The following SLC39A14 variants were observed in gnomAD, a reference collection of about 807,000 sequenced individuals.
SLC39A14 encodes the protein solute carrier family 39 member 14.
In SLC39A14, 19 loss-of-function variants were observed where a neutral mutation model predicts 45.5. The observed-to-expected ratio is 0.42, with a 90% CI of 0.29 to 0.61. The LOEUF is 0.61. SLC39A14 is among the 20% of genes least tolerant of loss of function. The probability of loss-of-function intolerance (pLI) is 0.22; values close to 1 mark genes in which losing one functional copy is unlikely to be tolerated. For missense variants in SLC39A14, 447 were observed against 616.5 expected (o/e 0.73, Z 2.91); for synonymous variants, 264 against 251.3 (o/e 1.05, Z -0.48).
At chr8:22,369,864 G>C (rs1832836100) in intron 1 of SLC39A14, among the ~76,000 whole-genome samples, 1 of 152,114 alleles carries the variant, frequency 6.6e-6, no homozygotes, top group Non-Finnish European at 1.5e-5. Flanking sequence ...GCTGATAGTT[G>C]GGTTGGGTTG....
chr8:22,373,254 T>C (rs1404265730), intron 1 of SLC39A14, among the ~76,000 whole-genome samples: 1 of 115,416 alleles, frequency 8.7e-6, no homozygotes, highest in East Asian at 3.0e-4. Flanking sequence ...AGAGCGAGAC[T>C]CCATCTCAAA....
chr8:22,384,298 C>T (rs553475946), intron 1 of SLC39A14, among the ~76,000 whole-genome samples: 2 of 152,248 alleles, frequency 1.3e-5, no homozygotes, highest in East Asian at 1.9e-4. Flanking sequence ...TCTTCCTCTG[C>T]CACAGGGAAG....
chr8:22,379,564 T>G (rs147066332), intron 1 of SLC39A14: 1 of 152,210 alleles, frequency 6.6e-6, no homozygotes, highest in African/African-American at 2.4e-5. Context: ...ATCCAGACAC[T>G]TTGCAGTACA....
In SLC39A14 at chr8:22,420,831, G is replaced by C; in HGVS notation, c.*1133G>C. The C allele has an allele frequency of 1.0e-6, 1 of 985,472 alleles. No individual in the cohort carries two copies. Among genetic ancestry groups the C allele is most frequent in the South Asian group, 4.7e-5 (1 of 21,292 alleles). The allele number at this position is 985,472 out of a possible 1,614,324, so 61.0% of individuals were successfully genotyped here. On this transcript the variant is annotated 3_prime_UTR_variant, in exon 9 of 9. Coordinates refer to ENST00000381237, the MANE Select transcript of SLC39A14 (RefSeq NM_001128431.4). Reference sequence around the variant, plus strand: ...ACTTAGGGCATCGCAGATGTTTGCAGAATGGTTGGCCTAATGATTATGCTA... The same window carrying C: ...ACTTAGGGCATCGCAGATGTTTGCACAATGGTTGGCCTAATGATTATGCTA...
exon 9 of SLC39A14, chr8:22,433,899 T>G (rs1299551342): frequency 2.6e-6 from 1 of 383,076 alleles, no homozygotes; most frequent in Non-Finnish European, 5.2e-6. Context: ...AGATGGAGTT[T>G]TGCTCTGTTG....
chr8:22,394,434 C>G (rs1341712437), intron 1 of SLC39A14, among the ~76,000 whole-genome samples: 1 of 151,820 alleles, frequency 6.6e-6, no homozygotes, highest in Non-Finnish European at 1.5e-5. Context: ...ATTCTCCTGC[C>G]TCAACCTCCC....
rs1836204749 is a variant in SLC39A14, at chr8:22,421,138, AG to A, written c.*1441del. The A allele has an allele frequency of 1.0e-6, 1 of 985,722 alleles. No homozygotes were observed. Among genetic ancestry groups the A allele is most frequent in the Admixed American group, 6.1e-5 (1 of 16,262 alleles). 61.1% of individuals were successfully genotyped at this position (985,722 alleles called of 1,614,324 possible). On this transcript the variant is annotated 3_prime_UTR_variant, in exon 9 of 9. Transcript: ENST00000381237. ...ACTTTGGGGAGCCTGTCTCTCCAGAAGCCTTTCTTAGTGGTGCCCACAGTTG... is the reference window on the plus strand; with the variant it reads ...ACTTTGGGGAGCCTGTCTCTCCAGAACCTTTCTTAGTGGTGCCCACAGTTG...
intron 1 of SLC39A14, among the ~76,000 whole-genome samples, chr8:22,374,065 C>T (rs1298936851): frequency 6.6e-6 from 1 of 152,180 alleles, no homozygotes; most frequent in Non-Finnish European, 1.5e-5. Flanking sequence ...AGCCACCGTG[C>T]CCAGCCCTCA....
intron 1 of SLC39A14, among the ~76,000 whole-genome samples, chr8:22,400,072 A>G (rs1834766492): frequency 6.6e-6 from 1 of 151,622 alleles, no homozygotes; most frequent in Admixed American, 6.5e-5. Flanking sequence ...GCTGTTAGAC[A>G]TCGGGAAAGA....
chr8:22,387,954 C>T (rs1213677139), intron 1 of SLC39A14, among the ~76,000 whole-genome samples: 4 of 152,116 alleles, frequency 2.6e-5, no homozygotes, highest in African/African-American at 9.7e-5. Flanking sequence ...AAAATTTAGC[C>T]GGGTGTGGTG....
At chr8:22,378,767 G>A (rs150055394) in intron 1 of SLC39A14, among the ~76,000 whole-genome samples, 11 of 152,276 alleles carry the variant, frequency 7.2e-5, no homozygotes, top group South Asian at 2.1e-4. Context: ...CAGGAGTGAC[G>A]TCTCATATTC....
At chr8:22,410,254 A>G (rs1835492992) in intron 3 of SLC39A14, 1 of 849,676 alleles carries the variant, frequency 1.2e-6, no homozygotes, top group Non-Finnish European at 1.9e-6. Flanking sequence ...TATCAAAGCC[A>G]CAAACGACTT....
In SLC39A14 at chr8:22,392,021, T is replaced by C. The variant is rs183651539; in HGVS notation, c.-15-12675T>C. On this transcript the variant is annotated intron_variant, in intron 1 of 8. Transcript: ENST00000381237. ...GGAGGAGAGGAGGACATAGAAGAAA[T>C]AGGAGGGAAGGATGCATTTCAGAAA... is the stretch of plus-strand genomic sequence containing the variant. Among the ~76,000 whole-genome samples, 200 of 152,080 alleles carry C rather than the reference T, an allele frequency of 1.3e-3. 2 individuals carry two copies. Among genetic ancestry groups the C allele is most frequent in the East Asian group, 5.2e-3 (27 of 5,172 alleles).
chr8:22,410,825 A>C (rs562173396), intron 3 of SLC39A14, among the ~76,000 whole-genome samples: 7 of 152,350 alleles, frequency 4.6e-5, no homozygotes, highest in African/African-American at 1.7e-4. Flanking sequence ...CCAAGTTGAC[A>C]GTCTGCCCAC....
At chr8:22,400,467 A>G (rs1386112446) in intron 1 of SLC39A14, among the ~76,000 whole-genome samples, 1 of 152,200 alleles carries the variant, frequency 6.6e-6, no homozygotes, top group Non-Finnish European at 1.5e-5. Context: ...TGCCATCGAC[A>G]GTTCACAGTC....
intron 1 of SLC39A14, among the ~76,000 whole-genome samples, chr8:22,382,224 A>G (rs1833552644): frequency 6.6e-6 from 1 of 152,186 alleles, no homozygotes; most frequent in Non-Finnish European, 1.5e-5. Flanking sequence ...GTAAACCTAA[A>G]ACGTTGATAA....
At chr8:22,392,104 A>G (rs1834108839) in intron 1 of SLC39A14, among the ~76,000 whole-genome samples, 1 of 152,232 alleles carries the variant, frequency 6.6e-6, no homozygotes, top group Non-Finnish European at 1.5e-5. Flanking sequence ...CAAGGTAATG[A>G]GGAGTCCATA....
rs189933855 is a variant in SLC39A14 at position 22,417,854 on chromosome 8, A to C, written c.1332+19A>C. ...TGATATGGTAAGTGTTCCACAGTTCACTGGATGAGAGGGCGGCTAAGGGGA... is the reference window on the plus strand; with the variant it reads ...TGATATGGTAAGTGTTCCACAGTTCCCTGGATGAGAGGGCGGCTAAGGGGA... On this transcript the variant is annotated intron_variant, in intron 8 of 8. Coordinates refer to ENST00000381237, the MANE Select transcript of SLC39A14 (RefSeq NM_001128431.4). The C allele has an allele frequency of 6.2e-7, 1 of 1,605,432 alleles. No homozygotes were observed. Among genetic ancestry groups the C allele is most frequent in the East Asian group, 2.2e-5 (1 of 44,672 alleles).
rs932008297 is a variant in SLC39A14, at chr8:22,419,669, A to G, written c.1450A>G (p.Met484Val). 1.2e-6 allele frequency: 2 copies of G among 1,613,584 alleles called. No individual in the cohort carries two copies. The highest frequency in any genetic ancestry group is 2.7e-5 in the African/African-American group (2 of 74,922). The change falls in exon 9 of 9, where the codon ATG (methionine) becomes GTG (valine). Residue 484 changes from methionine to valine, a missense_variant. Coordinates refer to ENST00000381237, the MANE Select transcript of SLC39A14 (RefSeq NM_001128431.4). ...ATTCACCATCATGGTGGTCCTCACC[A>G]TGTATTCAGGACAGATCCAGATTGG... Reference protein sequence around the residue: ...TGFTIMVVLTMYSGQIQIG With the variant: ...TGFTIMVVLTVYSGQIQIG
Sources: allele counts gnomAD v4.1 joint callset (sites outside exome capture counted in the v4.1 genomes callset), GRCh38; gene constraint gnomAD v4.1.1; transcripts MANE v1.5; gene names NCBI Gene and HGNC (gene_info 2026-07-23, HGNC 2026-07-21).